Variants in EXOC1 observed in about 807,000 individuals in gnomAD.
EXOC1 encodes the protein SEC3-like 1.
In EXOC1, 67 loss-of-function variants were observed where a neutral mutation model predicts 107.7. The ratio of observed to expected loss-of-function variants is 0.62; its 90% CI spans 0.51 to 0.76. The LOEUF (loss-of-function observed/expected upper bound fraction) is 0.76, where lower values mean the gene tolerates loss of function less well. Ranked by LOEUF, EXOC1 falls within the 30% of genes least tolerant of loss-of-function variation. EXOC1 has a pLI of 0.00. For synonymous variants in EXOC1, 348 were observed against 353.5 expected (o/e 0.98, Z 0.17); for missense variants, 833 against 1,055.7 (o/e 0.79, Z 2.92).
At chr4:55,883,113 T>C (rs2109427513) in intron 9 of EXOC1, 1 of 152,252 alleles carries the variant, frequency 6.6e-6, no homozygotes, top group Admixed American at 6.5e-5. Context: ...TTAAGAAAAT[T>C]AATTACTTGA....
At chr4:55,889,280 G>T (rs1431214046) in intron 11 of EXOC1, among the ~76,000 whole-genome samples, 1 of 152,098 alleles carries the variant, frequency 6.6e-6, no homozygotes, top group Non-Finnish European at 1.5e-5. Flanking sequence ...TACCTGTTCT[G>T]TCTTCATTTG....
chr4:55,876,880 A>T, intron 8 of EXOC1: 1 of 985,288 alleles, frequency 1.0e-6, no homozygotes, highest in Non-Finnish European at 1.2e-6. Flanking sequence ...CAACAGACTG[A>T]TTTGAAAACA....
chr4:55,854,496 G>C (rs1396473033), intron 1 of EXOC1, among the ~76,000 whole-genome samples: 3 of 152,106 alleles, frequency 2.0e-5, no homozygotes, highest in Non-Finnish European at 4.4e-5. Context: ...GAAAAGTACC[G>C]TAAAGACTGA....
chr4:55,865,707 G>T (rs1467697537), intron 4 of EXOC1, among the ~76,000 whole-genome samples: 1 of 151,954 alleles, frequency 6.6e-6, no homozygotes, highest in African/African-American at 2.4e-5. Flanking sequence ...TTTTAAACCA[G>T]TATATTTCAG....
intron 17 of EXOC1, chr4:55,900,504 A>G (rs1015602552): frequency 2.0e-5 from 3 of 152,160 alleles, no homozygotes; most frequent in African/African-American, 4.8e-5. Flanking sequence ...AGGGAACTTT[A>G]CAAGATAGTG....
chr4:55,904,427 G>C lies in EXOC1; in HGVS notation c.2617G>C (p.Gly873Arg). 1 of 1,612,748 alleles carries C rather than the reference G, an allele frequency of 6.2e-7. No homozygotes were observed. Among genetic ancestry groups the C allele is most frequent in the South Asian group, 1.1e-5 (1 of 90,940 alleles). The part of the protein sequence containing the change: ...GLIARCYPGS[G>R]VTMEFTIQDI... ...GATAGCTCGCTGTTATCCTGGATCT[G>C]GTGTTACAATGGAATTCACTATTCA... is the stretch of plus-strand genomic sequence containing the variant. Residue 873 changes from glycine to arginine, a missense_variant, in exon 19 of 19, where the codon GGT becomes CGT. Coordinates refer to ENST00000381295, the MANE Select transcript of EXOC1 (RefSeq NM_001024924.2).
rs565967610 is a variant in EXOC1, at chr4:55,898,958, T to A, written c.2138-727T>A. ...ATTACTGGGTCAAAGGATTTATGTATCTCAAGTCTTTTCCCAAATTGTGAT... is the reference window on the plus strand; with the variant it reads ...ATTACTGGGTCAAAGGATTTATGTAACTCAAGTCTTTTCCCAAATTGTGAT... On this transcript the variant is annotated intron_variant, in intron 16 of 18. Coordinates refer to ENST00000381295, the MANE Select transcript of EXOC1 (RefSeq NM_001024924.2). Among the ~76,000 whole-genome samples the A allele has an allele frequency of 2.0e-4, 31 of 152,276 alleles. No individual in the cohort carries two copies. The South Asian group carries it at 6.4e-3, about 32-fold the overall frequency.
chr4:55,896,521 T>C (rs980051482), intron 15 of EXOC1, among the ~76,000 whole-genome samples, 196 bp from the exon 16 acceptor site: 3 of 152,200 alleles, frequency 2.0e-5, no homozygotes, highest in Non-Finnish European at 2.9e-5. Context: ...TCTATAGAAT[T>C]AGTTTTTCTT....
Position 55,902,493 on chromosome 4 carries a change from C to T in EXOC1, c.2487C>T (p.Tyr829=). The part of the protein sequence containing the change: ...KEVKKGLDNL[Y]KKVDKHLCEE... ...TAAAAAAAGGTCTAGATAACCTCTA[C>T]AAGAAAGTTGATAAACATTTATGTG... The change falls in exon 18 of 19, where the codon TAC becomes TAT. Residue 829 remains tyrosine, a synonymous_variant. Transcript: ENST00000381295. 6.4e-7 allele frequency: 1 copy of T among 1,554,908 alleles called. No homozygotes were observed. Among genetic ancestry groups the T allele is most frequent in the Non-Finnish European group, 8.6e-7 (1 of 1,157,864 alleles).
chr4:55,868,667 C>A, intron 5 of EXOC1, 144 bp downstream of exon 5: 1 of 566,948 alleles, frequency 1.8e-6, no homozygotes, highest in Non-Finnish European at 2.9e-6. Context: ...CAGCTGCCAT[C>A]AGTCTTTTAC....
intron 15 of EXOC1, among the ~76,000 whole-genome samples, chr4:55,896,343 G>A (rs531370215): frequency 9.9e-5 from 15 of 151,868 alleles, no homozygotes; most frequent in South Asian, 4.2e-4. Flanking sequence ...TTGTAGAGAC[G>A]AAAATGGCCA....
At chr4:55,883,505 G>A (rs1248032241) in intron 9 of EXOC1, 4 of 181,520 alleles carry the variant, frequency 2.2e-5, no homozygotes, top group Non-Finnish European at 4.5e-5. Flanking sequence ...TGTGAGACTG[G>A]AGAAATGTAT....
intron 9 of EXOC1, among the ~76,000 whole-genome samples, chr4:55,880,956 G>GA (rs985866567): frequency 1.1e-4 from 16 of 151,984 alleles, no homozygotes; most frequent in Non-Finnish European, 2.1e-4. Flanking sequence ...AAGGAATGAA[G>GA]AAAAAAGAAG....
rs927625409 is a variant in EXOC1, at chr4:55,877,980, C to G, written c.1138C>G (p.Pro380Ala). The change falls in exon 9 of 19, where the codon CCA (proline) becomes GCA (alanine). Residue 380 changes from proline (P) to alanine (A), a missense_variant. Coordinates refer to ENST00000381295, the MANE Select transcript of EXOC1 (RefSeq NM_001024924.2). ...TGAACTGACTTTACCCAATCATCAT[C>G]CATTTCATAGAGATTTGCTCCGATA... is the stretch of plus-strand genomic sequence containing the variant. ...SVELTLPNHHPFHRDLLRYAK... is the reference protein window; with the variant it reads ...SVELTLPNHHAFHRDLLRYAK... 10 of 1,613,696 alleles carry G rather than the reference C, an allele frequency of 6.2e-6. No individual in the cohort carries two copies. Among genetic ancestry groups the G allele is most frequent in the Non-Finnish European group, 8.5e-6 (10 of 1,179,884 alleles).
At chr4:55,878,867 A>G (rs1014114715) in intron 9 of EXOC1, among the ~76,000 whole-genome samples, 1 of 152,206 alleles carries the variant, frequency 6.6e-6, no homozygotes, top group African/African-American at 2.4e-5. Context: ...ACCTACCAGC[A>G]TTCCTCAAGC....
At chr4:55,882,450 T>G (rs1723492973) in intron 9 of EXOC1, among the ~76,000 whole-genome samples, 2 of 152,240 alleles carry the variant, frequency 1.3e-5, no homozygotes, top group Non-Finnish European at 2.9e-5. Context: ...AAAAGGTATC[T>G]AAGTCATTTG....
Position 55,901,184 on chromosome 4 carries a change from A to G in EXOC1, c.2338-1160A>G, listed in dbSNP as rs528320355. Among the ~76,000 whole-genome samples the G allele has an allele frequency of 3.3e-5, 5 of 152,348 alleles. No homozygotes were observed. The East Asian group carries it at 9.6e-4, about 29-fold the overall frequency. ...AACATAAATAAGAGATATGGAAAAC[A>G]GAGACGAGATTATCACCACCTGTAT... On this transcript the variant is annotated intron_variant, in intron 17 of 18. Coordinates refer to ENST00000381295, the MANE Select transcript of EXOC1 (RefSeq NM_001024924.2).
chr4:55,876,597 C>A (rs960313153), intron 8 of EXOC1: 2 of 984,960 alleles, frequency 2.0e-6, no homozygotes, highest in African/African-American at 1.7e-5. Context: ...TATTAATATA[C>A]CTTGTGTATA....
At chr4:55,880,874 T>G (rs954521365) in intron 9 of EXOC1, among the ~76,000 whole-genome samples, 2 of 152,172 alleles carry the variant, frequency 1.3e-5, no homozygotes, top group African/African-American at 2.4e-5. Context: ...TTTCACAGAT[T>G]ATGTATTTTT....
Sources: allele counts gnomAD v4.1 joint callset (sites outside exome capture counted in the v4.1 genomes callset), GRCh38; gene constraint gnomAD v4.1.1; transcripts MANE v1.5; gene names NCBI Gene and HGNC (gene_info 2026-07-23, HGNC 2026-07-21).